Variants in ULK4 observed in about 807,000 individuals in gnomAD.
ULK4 encodes unc-51 like kinase 4.
In ULK4, 133 loss-of-function variants were observed where a neutral mutation model predicts 160.6. That is an observed-to-expected ratio of 0.83 (90% CI 0.72 to 0.96). The LOEUF (loss-of-function observed/expected upper bound fraction) is 0.96, where lower values mean the gene tolerates loss of function less well. ULK4 is among the 40% of genes least tolerant of loss of function. ULK4 has a pLI of 0.00. For missense variants in ULK4, 1,580 were observed against 1,499.5 expected, an observed-to-expected ratio of 1.05 and a Z score of -0.89; for synonymous variants, 534 against 539.8, an observed-to-expected ratio of 0.99 and a Z score of 0.15.
intron 35 of ULK4, among the ~76,000 whole-genome samples, chr3:41,293,407 C>T (rs1575403364): frequency 6.6e-6 from 1 of 152,254 alleles, no homozygotes; most frequent in African/African-American, 2.4e-5. Context: ...GGTCAGTCCT[C>T]CACTCACTCC....
chr3:41,891,955 A>G (rs895729491), intron 16 of ULK4, among the ~76,000 whole-genome samples: 4 of 152,224 alleles, frequency 2.6e-5, no homozygotes, highest in African/African-American at 7.2e-5. Flanking sequence ...CAACCAAGAG[A>G]AGAACTACAG....
At chr3:41,567,443 A>ATTTTTT (rs71288055) in intron 31 of ULK4, among the ~76,000 whole-genome samples, 9 of 90,308 alleles carry the variant, frequency 1.0e-4, no homozygotes, top group African/African-American at 2.2e-4. Context: ...CACTTAACAG[A>ATTTTTT]TTTTTTTTTT....
chr3:41,608,963 T>A (rs1215482607), intron 31 of ULK4, among the ~76,000 whole-genome samples: 2 of 152,306 alleles, frequency 1.3e-5, no homozygotes, highest in East Asian at 3.9e-4. Context: ...TAGACTGTCC[T>A]TTAGAGAGAA....
chr3:41,827,725 G>A (rs1389000076), intron 18 of ULK4, among the ~76,000 whole-genome samples: 4 of 152,154 alleles, frequency 2.6e-5, no homozygotes, highest in African/African-American at 4.8e-5. Flanking sequence ...GAGGTACAAG[G>A]AGGAGCTGGT....
chr3:41,330,447 C>T (rs1446938856), intron 35 of ULK4, among the ~76,000 whole-genome samples: 1 of 152,216 alleles, frequency 6.6e-6, no homozygotes, highest in African/African-American at 2.4e-5. Flanking sequence ...TTATGGCTAA[C>T]TACTCTCCCA....
intron 31 of ULK4, among the ~76,000 whole-genome samples, chr3:41,602,962 G>A (rs1161971724): frequency 6.6e-6 from 1 of 151,928 alleles, no homozygotes; most frequent in Non-Finnish European, 1.5e-5. Context: ...AAAATAAAAT[G>A]GCAGGCTTAA....
intron 32 of ULK4, among the ~76,000 whole-genome samples, chr3:41,488,345 A>G (rs1221241012): frequency 6.6e-6 from 1 of 152,172 alleles, no homozygotes; most frequent in Non-Finnish European, 1.5e-5. Flanking sequence ...GAGACGGTCC[A>G]GAGAGTTGGA....
intron 32 of ULK4, among the ~76,000 whole-genome samples, chr3:41,553,405 A>G (rs1264016444): frequency 6.6e-6 from 1 of 152,232 alleles, no homozygotes; most frequent in South Asian, 2.1e-4. Context: ...CAAAACAATA[A>G]TAATTCCATT....
intron 27 of ULK4, among the ~76,000 whole-genome samples, chr3:41,695,921 T>A (rs1351604990): frequency 6.6e-6 from 1 of 151,982 alleles, no homozygotes; most frequent in Non-Finnish European, 1.5e-5. Flanking sequence ...GGGGACATAG[T>A]GAGAAGTGAC....
chr3:41,943,747 T>C (rs1277934310), intron 2 of ULK4, among the ~76,000 whole-genome samples: 1 of 152,142 alleles, frequency 6.6e-6, no homozygotes, highest in African/African-American at 2.4e-5. Flanking sequence ...TTACCTCAAC[T>C]ATCCATGCTC....
intron 31 of ULK4, among the ~76,000 whole-genome samples, chr3:41,614,769 C>T (rs191438660): frequency 2.8e-4 from 43 of 152,298 alleles, no homozygotes; most frequent in African/African-American, 9.9e-4. Context: ...TGACAGCACA[C>T]AAACGATTTA....
At chr3:41,638,594 A>G (rs2034054572) in intron 30 of ULK4, among the ~76,000 whole-genome samples, 1 of 152,252 alleles carries the variant, frequency 6.6e-6, no homozygotes, top group South Asian at 2.1e-4. Context: ...AAATGTACCA[A>G]GCAAGTCACA....
chr3:41,363,903 G>T (rs2081198203), intron 35 of ULK4, among the ~76,000 whole-genome samples: 1 of 151,424 alleles, frequency 6.6e-6, no homozygotes, highest in African/African-American at 2.4e-5. Context: ...ACAGAGTGAA[G>T]ATTTGAACCC....
intron 35 of ULK4, among the ~76,000 whole-genome samples, chr3:41,300,838 T>G (rs1317136823): frequency 1.0e-4 from 1 of 9,776 alleles, no homozygotes; most frequent in Non-Finnish European, 2.8e-4. Context: ...TTTTACAGAT[T>G]ATATATATAT....
intron 34 of ULK4, 28 bp from the exon 35 acceptor site, chr3:41,398,292 A>G: frequency 6.2e-7 from 1 of 1,604,302 alleles, no homozygotes. Context: ...AGACTATTTA[A>G]ATTTCCTTGA....
At chr3:41,911,968 C>T (rs916628027) in intron 9 of ULK4, among the ~76,000 whole-genome samples, 4 of 151,758 alleles carry the variant, frequency 2.6e-5, no homozygotes, top group African/African-American at 7.3e-5. Flanking sequence ...GCCTGGGCAA[C>T]ATAGTGAGAC....
intron 22 of ULK4, among the ~76,000 whole-genome samples, chr3:41,726,828 A>T (rs112769764): frequency 0.012 from 1,759 of 152,194 alleles, 35 homozygotes; most frequent in African/African-American, 0.04. Flanking sequence ...TTATATTTTT[A>T]ATAGAAATGG....
intron 31 of ULK4, among the ~76,000 whole-genome samples, chr3:41,595,824 G>A (rs1350308869): frequency 6.6e-6 from 1 of 152,230 alleles, no homozygotes; most frequent in African/African-American, 2.4e-5. Flanking sequence ...AACCTACTAA[G>A]TAGCTGAGGG....
intron 32 of ULK4, among the ~76,000 whole-genome samples, chr3:41,503,755 C>G (rs1385623398): frequency 6.6e-6 from 1 of 152,160 alleles, no homozygotes; most frequent in Non-Finnish European, 1.5e-5. Flanking sequence ...TGATGATTAA[C>G]ACCTGAAATT....
Sources: allele counts gnomAD v4.1 joint callset (sites outside exome capture counted in the v4.1 genomes callset), GRCh38; gene constraint gnomAD v4.1.1; transcripts MANE v1.5; gene names NCBI Gene and HGNC (gene_info 2026-07-23, HGNC 2026-07-21).